The following MYOM2 variants were observed in gnomAD, a reference collection of about 807,000 sequenced individuals.
MYOM2 encodes the protein myomesin-2.
Under a neutral mutation model 187.6 loss-of-function variants are expected in MYOM2, and 254 were observed. That is an observed-to-expected ratio of 1.35 (90% CI 1.22 to 1.50). The LOEUF (loss-of-function observed/expected upper bound fraction) is 1.50. Among genes scored for constraint, MYOM2 ranks in the 40% most tolerant of loss-of-function variants. The probability of loss-of-function intolerance (pLI) is 0.00; values close to 1 mark genes in which losing one functional copy is unlikely to be tolerated. For synonymous variants in MYOM2, 981 were observed against 753.8 expected (o/e 1.30, Z -4.94); for missense variants, 2,796 against 1,924.0 (o/e 1.45, Z -8.48).
intron 15 of MYOM2, among the ~76,000 whole-genome samples, chr8:2,091,114 T>G (rs1309249359): frequency 6.6e-6 from 1 of 150,952 alleles, no homozygotes; most frequent in Non-Finnish European, 1.5e-5. Flanking sequence ...GTTTAAGTGT[T>G]CCCTTTTCTC....
chr8:2,110,847 C>CG (rs72608758), intron 25 of MYOM2, among the ~76,000 whole-genome samples: 2 of 85,312 alleles, frequency 2.3e-5, no homozygotes, highest in African/African-American at 1.4e-4. Flanking sequence ...AGAAGTCTTG[C>CG]AGGTAAGGAT....
chr8:2,074,354 T>C (rs919671772), intron 10 of MYOM2, among the ~76,000 whole-genome samples: 1 of 152,108 alleles, frequency 6.6e-6, no homozygotes, highest in African/African-American at 2.4e-5. Flanking sequence ...CAGATTTAAA[T>C]TTTGCTGGAG....
chr8:2,074,523 C>G (rs1032031895), intron 10 of MYOM2, among the ~76,000 whole-genome samples: 3 of 152,024 alleles, frequency 2.0e-5, no homozygotes, highest in Admixed American at 2.0e-4. Context: ...GGCGCGACCT[C>G]GGCTCACTGC....
chr8:2,144,013 C>T (rs1798369958), intron 36 of MYOM2, among the ~76,000 whole-genome samples: 1 of 152,212 alleles, frequency 6.6e-6, no homozygotes, highest in African/African-American at 2.4e-5. Flanking sequence ...CTGGTTGCTT[C>T]AGTGGGTCTA....
intron 13 of MYOM2, among the ~76,000 whole-genome samples, chr8:2,081,559 C>T (rs917952036): frequency 8.8e-4 from 134 of 152,330 alleles, no homozygotes; most frequent in African/African-American, 3.2e-3. Flanking sequence ...AAATGACCCA[C>T]GGTGAGAAGG....
In MYOM2 at chr8:2,117,916, T is replaced by A. The variant is rs1024084039; in HGVS notation, c.3417T>A (p.Asp1139Glu). The A allele has an allele frequency of 6.2e-7, 1 of 1,613,370 alleles. No individual in the cohort carries two copies. The highest frequency in any genetic ancestry group is 8.5e-7 in the Non-Finnish European group (1 of 1,179,544). ...ATTTTGCTGAGTACTTGCACTGGGA[T>A]GTCACGGAAGAATGTGAAGTTCGAC... is the stretch of plus-strand genomic sequence containing the variant. ...GPHFAEYLHW[D>E]VTEECEVRLV... The change falls in exon 28 of 37, where the codon GAT (aspartate) becomes GAA (glutamate). Residue 1139 changes from aspartate (D) to glutamate (E), a missense_variant. Coordinates refer to ENST00000262113, the MANE Select transcript of MYOM2 (RefSeq NM_003970.4).
intron 14 of MYOM2, among the ~76,000 whole-genome samples, chr8:2,087,256 A>G (rs1227507433): frequency 1.3e-5 from 2 of 152,234 alleles, no homozygotes; most frequent in Non-Finnish European, 2.9e-5. Context: ...GTAACAGAGA[A>G]TATAACATAT....
intron 1 of MYOM2, among the ~76,000 whole-genome samples, chr8:2,048,796 A>AT (rs201019888): frequency 1.7e-4 from 24 of 141,930 alleles, no homozygotes; most frequent in Non-Finnish European, 3.1e-4. Flanking sequence ...TTTTTATTTT[A>AT]TTTTTTTTTT....
intron 28 of MYOM2, among the ~76,000 whole-genome samples, chr8:2,120,922 T>C (rs1449763615): frequency 5.9e-5 from 9 of 151,440 alleles, no homozygotes; most frequent in African/African-American, 2.2e-4. Flanking sequence ...TTTTTGGTAG[T>C]GAATTTCTTG....
intron 36 of MYOM2, 152 bp from the exon 37 acceptor site, chr8:2,144,512 C>A: frequency 2.7e-6 from 2 of 741,060 alleles, no homozygotes; most frequent in South Asian, 1.8e-5. Flanking sequence ...CTGTCCAGAG[C>A]GGCGCTCATG....
At chr8:2,055,830 A>T (rs1818646048) in intron 3 of MYOM2, among the ~76,000 whole-genome samples, 1 of 152,100 alleles carries the variant, frequency 6.6e-6, no homozygotes. Flanking sequence ...GTCTCTGGAC[A>T]GCCGTGATGC....
At chr8:2,071,299 G>A (rs1158772436) in intron 8 of MYOM2, among the ~76,000 whole-genome samples, 2 of 152,014 alleles carry the variant, frequency 1.3e-5, no homozygotes, top group Non-Finnish European at 2.9e-5. Flanking sequence ...CCGGCCTGCA[G>A]CTGTTGTTTA....
Position 2,086,386 on chromosome 8 carries a change from C to A in MYOM2, c.1644+996C>A, listed in dbSNP as rs1303874813. 1.2e-4 allele frequency among the ~76,000 whole-genome samples: 13 copies of A among 112,872 alleles called. 4 individuals are homozygous for A. Among genetic ancestry groups the A allele is most frequent in the East Asian group, 5.0e-4 (2 of 4,024 alleles). The allele number at this position is 112,872 out of a possible 152,430, so 74.0% of individuals were successfully genotyped here. A position where few individuals can be genotyped will look rare whatever the true frequency, so the allele number is the denominator to read the frequency against. On this transcript the variant is annotated intron_variant, in intron 14 of 36. Transcript: ENST00000262113. ...CCCACTGTTGTGATCTCTGCGTGGC[C>A]TCCCACTGTTGTGATCTCTGCGTGG...
intron 21 of MYOM2, among the ~76,000 whole-genome samples, chr8:2,104,261 A>G (rs1467255119): frequency 6.6e-6 from 1 of 152,182 alleles, no homozygotes; most frequent in Admixed American, 6.5e-5. Flanking sequence ...TACACAGTCT[A>G]TTTTGTGTTG....
chr8:2,128,379 A>G (rs28718089), intron 31 of MYOM2, among the ~76,000 whole-genome samples: 76,676 of 152,046 alleles, frequency 0.5, 19,621 homozygotes, highest in African/African-American at 0.56. Flanking sequence ...TGATCATCTT[A>G]TTTTCCATTA....
chr8:2,133,379 A>C (rs3824168), intron 32 of MYOM2, among the ~76,000 whole-genome samples: 19,858 of 152,068 alleles, frequency 0.13, 2,202 homozygotes, highest in African/African-American at 0.28. Flanking sequence ...AGAAGAGCTC[A>C]GACACCACAG....
rs112154020 is a variant in MYOM2, at chr8:2,081,401, C to A, written c.1516+1788C>A. ...GGTTCTGGCCTGCGGGAGGAACAGG[C>A]AGCCCAGCCCGTGCAGAATGAGGTT... On this transcript the variant is annotated intron_variant, in intron 13 of 36. Coordinates refer to ENST00000262113, the MANE Select transcript of MYOM2 (RefSeq NM_003970.4). Among the ~76,000 whole-genome samples, 132 of 149,716 alleles carry A rather than the reference C, an allele frequency of 8.8e-4. 5 individuals carry two copies. The highest frequency in any genetic ancestry group is 1.6e-3 in the Non-Finnish European group (104 of 66,456).
chr8:2,078,955 A>G, intron 12 of MYOM2, 22 bp downstream of exon 12: 1 of 1,609,556 alleles, frequency 6.2e-7, no homozygotes, highest in Non-Finnish European at 8.5e-7. Flanking sequence ...ACGCCTAAGT[A>G]TCCACTGTGC....
chr8:2,086,350 CTG>C lies in MYOM2; in HGVS notation c.1644+961_1644+962del, dbSNP rs1796049568. Among the ~76,000 whole-genome samples, 4 of 57,860 alleles carry C rather than the reference CTG, an allele frequency of 6.9e-5. 1 individual carries two copies. The Admixed American group carries it at 7.3e-4, about 10-fold the overall frequency. The allele number at this position is 57,860 out of a possible 152,430, so 38.0% of individuals were successfully genotyped here. A position where few individuals can be genotyped will look rare whatever the true frequency, so the allele number is the denominator to read the frequency against. On this transcript the variant is annotated intron_variant, in intron 14 of 36. Transcript: ENST00000262113. ...GCGTGGCCCCCCACTGTTGTGATCT[CTG>C]CGTGGCCTCCCACTGTTGTGATCTC...
Sources: allele counts gnomAD v4.1 joint callset (sites outside exome capture counted in the v4.1 genomes callset), GRCh38; gene constraint gnomAD v4.1.1; transcripts MANE v1.5; gene names NCBI Gene and HGNC (gene_info 2026-07-23, HGNC 2026-07-21).